Variants in P4HA1 observed in about 807,000 individuals in gnomAD.
P4HA1 encodes the protein prolyl 4-hydroxylase subunit alpha-1.
In P4HA1, 24 loss-of-function variants were observed where a neutral mutation model predicts 72.8. The ratio of observed to expected loss-of-function variants is 0.33; its 90% confidence interval spans 0.24 to 0.46. P4HA1 has a LOEUF of 0.46. Among genes scored for constraint, P4HA1 ranks in the 20% least tolerant of loss-of-function variants. The pLI is 1.00. For synonymous variants in P4HA1, 201 were observed against 218.8 expected (o/e 0.92, Z 0.72); for missense variants, 446 against 640.6 (o/e 0.70, Z 3.28).
At chr10:73,068,573 GAT>G (rs1332551229) in intron 5 of P4HA1, among the ~76,000 whole-genome samples, 1 of 152,098 alleles carries the variant, frequency 6.6e-6, no homozygotes, top group Non-Finnish European at 1.5e-5. Flanking sequence ...TTGGTGAAAT[GAT>G]AGTTTCTTTT....
chr10:73,011,084 T>C (rs201774334), intron 12 of P4HA1, 47 bp from the exon 13 acceptor site: 3 of 1,385,314 alleles, frequency 2.2e-6, no homozygotes, highest in Non-Finnish European at 3.1e-6. Context: ...TAGAATAAAG[T>C]AAAACATGCC....
intron 9 of P4HA1, among the ~76,000 whole-genome samples, chr10:73,035,212 A>T (rs1301980235): frequency 6.6e-6 from 1 of 151,044 alleles, no homozygotes; most frequent in Non-Finnish European, 1.5e-5. Context: ...CCCATCCCTC[A>T]CTGCCTTTTA....
chr10:73,080,652 G>T (rs1044892899), intron 1 of P4HA1, among the ~76,000 whole-genome samples: 2 of 152,086 alleles, frequency 1.3e-5, no homozygotes, highest in Non-Finnish European at 2.9e-5. Context: ...GCCGGGCATG[G>T]TGGCTCACAC....
intron 10 of P4HA1, among the ~76,000 whole-genome samples, chr10:73,023,287 C>G (rs1351087217): frequency 6.6e-6 from 1 of 152,210 alleles, no homozygotes; most frequent in Non-Finnish European, 1.5e-5. Context: ...ATCAGACTAA[C>G]AGTGGATCTC....
intron 1 of P4HA1, among the ~76,000 whole-genome samples, chr10:73,096,331 A>G (rs1372541847): frequency 6.6e-6 from 1 of 152,112 alleles, no homozygotes; most frequent in Non-Finnish European, 1.5e-5. Context: ...CCACATGCGA[A>G]CCATCTGCGG....
intron 1 of P4HA1, among the ~76,000 whole-genome samples, chr10:73,093,873 AATATATATATATATAT>A (rs1167437294): frequency 0.013 from 385 of 29,310 alleles, 6 homozygotes; most frequent in Non-Finnish European, 0.025. Context: ...AAAAAAAAAA[AATATATATATATATAT>A]ATATATATAT....
At chr10:73,037,571 ATT>A (rs71021545) in intron 9 of P4HA1, among the ~76,000 whole-genome samples, 491 of 30,512 alleles carry the variant, frequency 0.016, 19 homozygotes, top group African/African-American at 0.021. Context: ...ATATATATAT[ATT>A]TTTTTTTTTT....
intron 9 of P4HA1, among the ~76,000 whole-genome samples, chr10:73,041,320 G>A (rs1176403373): frequency 5.3e-5 from 8 of 151,900 alleles, no homozygotes; most frequent in Middle Eastern, 3.2e-3. Context: ...CGAGGCAGGC[G>A]GGTCACGAGG....
chr10:73,087,511 C>G (rs1391969558), intron 1 of P4HA1, among the ~76,000 whole-genome samples: 2 of 152,020 alleles, frequency 1.3e-5, no homozygotes, highest in African/African-American at 4.8e-5. Flanking sequence ...GATGGTCCAC[C>G]CACCTCAGCT....
intron 10 of P4HA1, among the ~76,000 whole-genome samples, chr10:73,019,824 C>G (rs546853675): frequency 6.6e-6 from 1 of 150,500 alleles, no homozygotes; most frequent in African/African-American, 2.4e-5. Context: ...ATCTCTGAAC[C>G]TGAAGATACA....
Position 73,030,398 on chromosome 10 carries a change from T to C in P4HA1, c.1149-28A>G, listed in dbSNP as rs199895684. 4.0e-5 allele frequency: 49 copies of C among 1,217,954 alleles called. 1 individual carries two copies. Among genetic ancestry groups the C allele is most frequent in the Middle Eastern group, 2.0e-4 (1 of 5,072 alleles). The allele number at this position is 1,217,954 out of a possible 1,614,324, so 75.4% of individuals were successfully genotyped here. On this transcript the variant is annotated intron_variant, in intron 9 of 14. Transcript: ENST00000394890. The stretch of plus-strand genomic sequence containing the variant: ...AAGAATAAGAGGAATATTAGTTTTA[T>C]TGATAATGTTTCATTACATGGAGAC...
At chr10:73,064,242 G>T (rs533449618) in intron 5 of P4HA1, among the ~76,000 whole-genome samples, 2 of 151,968 alleles carry the variant, frequency 1.3e-5, no homozygotes, top group African/African-American at 2.4e-5. Context: ...TGCGGGGTGC[G>T]GGGGGGTGGA....
At chr10:73,079,816 G>T (rs113945236) in intron 1 of P4HA1, among the ~76,000 whole-genome samples, 15 of 152,240 alleles carry the variant, frequency 9.9e-5, no homozygotes, top group African/African-American at 3.6e-4. Context: ...TTATCTAGCA[G>T]TGAACTAGGC....
intron 4 of P4HA1, among the ~76,000 whole-genome samples, chr10:73,069,260 T>C (rs1841494799): frequency 6.6e-6 from 1 of 152,136 alleles, no homozygotes; most frequent in Non-Finnish European, 1.5e-5. Flanking sequence ...ACATAATAGT[T>C]ATGAGTTTTT....
chr10:73,055,256 G>A (rs1307890933), intron 5 of P4HA1, among the ~76,000 whole-genome samples: 1 of 152,172 alleles, frequency 6.6e-6, no homozygotes, highest in East Asian at 1.9e-4. Flanking sequence ...CCAGGCTAGA[G>A]TGCAGTGACA....
At chr10:73,036,684 C>T (rs1422241798) in intron 9 of P4HA1, among the ~76,000 whole-genome samples, 1 of 152,112 alleles carries the variant, frequency 6.6e-6, no homozygotes, top group East Asian at 1.9e-4. Context: ...AGGTGTGAGC[C>T]GTCACACCTG....
chr10:73,068,177 G>T (rs375034702), intron 5 of P4HA1, among the ~76,000 whole-genome samples: 1 of 152,130 alleles, frequency 6.6e-6, no homozygotes, highest in East Asian at 1.9e-4. Flanking sequence ...AAAGGGAGAT[G>T]AGCAAGAAAA....
intron 10 of P4HA1, among the ~76,000 whole-genome samples, chr10:73,025,943 C>A (rs549431302): frequency 1.3e-5 from 2 of 152,268 alleles, no homozygotes; most frequent in African/African-American, 4.8e-5. Context: ...CAAACCACTG[C>A]TCAACGAAAT....
At chr10:73,064,241 C>T (rs371355547) in intron 5 of P4HA1, among the ~76,000 whole-genome samples, 9 of 151,912 alleles carry the variant, frequency 5.9e-5, no homozygotes, top group African/African-American at 1.7e-4. Flanking sequence ...CTGCGGGGTG[C>T]GGGGGGGTGG....
Sources: gnomAD v4.1 joint callset for allele counts (sites outside exome capture counted in the v4.1 genomes callset) on GRCh38, gnomAD v4.1.1 for gene constraint, MANE v1.5 for transcripts, NCBI Gene and HGNC (gene_info 2026-07-23, HGNC 2026-07-21) for gene names.